Variants in FLT1 observed in about 807,000 individuals in gnomAD.
The protein encoded by FLT1 is fms related receptor tyrosine kinase 1, also known as vascular endothelial growth factor receptor 1.
Under a neutral mutation model 156.3 loss-of-function variants are expected in FLT1, and 49 were observed. That is an observed-to-expected ratio of 0.31 (90% CI 0.25 to 0.40). FLT1 has a LOEUF of 0.40. Ranked by LOEUF, FLT1 falls within the 10% of genes least tolerant of loss-of-function variation. FLT1 has a pLI of 1.00. For synonymous variants in FLT1, 594 were observed against 583.8 expected (o/e 1.02, Z -0.25); for missense variants, 1,322 against 1,637.2 (o/e 0.81, Z 3.32).
At chr13:28,361,755 G>C (rs1250495591) in intron 14 of FLT1, among the ~76,000 whole-genome samples, 1 of 152,154 alleles carries the variant, frequency 6.6e-6, no homozygotes, top group Non-Finnish European at 1.5e-5. Context: ...GTATTTCTTT[G>C]AACATTTTTT....
intron 1 of FLT1, among the ~76,000 whole-genome samples, chr13:28,491,860 T>A (rs1176728891): frequency 6.6e-6 from 1 of 152,228 alleles, no homozygotes; most frequent in African/African-American, 2.4e-5. Flanking sequence ...AAGTACCCAC[T>A]TGGTGATCGT....
At position 28,301,889 on chromosome 13, in the gene FLT1, T is replaced by C. The variant is rs1291629606; in HGVS notation, c.*1278A>G. Reference sequence around the variant, plus strand: ...AACTGGAGAAATACCTTGCATAAATTACATACCACCTTTTTACTCAAGGAG... The same window carrying C: ...AACTGGAGAAATACCTTGCATAAATCACATACCACCTTTTTACTCAAGGAG... On this transcript the variant is annotated 3_prime_UTR_variant, in exon 30 of 30. Transcript: ENST00000282397. 4.3e-6 allele frequency: 1 copy of C among 233,504 alleles called. No homozygotes were observed. The highest frequency in any genetic ancestry group is 8.5e-6 in the Non-Finnish European group (1 of 117,976). 14.5% of individuals were successfully genotyped at this position (233,504 alleles called of 1,614,324 possible).
intron 14 of FLT1, among the ~76,000 whole-genome samples, chr13:28,363,846 G>T (rs1378543584): frequency 6.6e-6 from 1 of 152,144 alleles, no homozygotes; most frequent in Non-Finnish European, 1.5e-5. Flanking sequence ...GACCTCAAGC[G>T]ATCTGCTGGC....
chr13:28,385,232 C>T (rs1200501737), intron 13 of FLT1, among the ~76,000 whole-genome samples: 1 of 152,190 alleles, frequency 6.6e-6, no homozygotes. Flanking sequence ...TTTATTACAA[C>T]ACAGTGAAAT....
intron 3 of FLT1, among the ~76,000 whole-genome samples, chr13:28,453,446 A>T (rs1879095359): frequency 6.6e-6 from 1 of 152,158 alleles, no homozygotes; most frequent in Non-Finnish European, 1.5e-5. Flanking sequence ...TTCTTAATGT[A>T]TCCCAAGGTT....
intron 14 of FLT1, among the ~76,000 whole-genome samples, chr13:28,383,665 T>TA (rs1874180634): frequency 1.4e-5 from 2 of 147,860 alleles, no homozygotes; most frequent in African/African-American, 5.0e-5. Flanking sequence ...CTGTCTCAAT[T>TA]TAAAAAAAAA....
At chr13:28,325,676 T>C (rs1048626773) in intron 20 of FLT1, among the ~76,000 whole-genome samples, 3 of 151,698 alleles carry the variant, frequency 2.0e-5, no homozygotes, top group Non-Finnish European at 4.4e-5. Context: ...TAGCTGGGCG[T>C]TGTGGCGGGC....
At chr13:28,433,723 C>G (rs2137551522) in intron 6 of FLT1, 96 bp downstream of exon 6, 1 of 1,176,678 alleles carries the variant, frequency 8.5e-7, no homozygotes, top group South Asian at 1.2e-5. Flanking sequence ...CCACAGGAGT[C>G]AGGATTTTCT....
rs145424677 is a variant in FLT1 at position 28,454,418 on chromosome 13, G to A, written c.388+12485C>T. 5.4e-4 allele frequency among the ~76,000 whole-genome samples: 82 copies of A among 152,262 alleles called. No homozygotes were observed. The East Asian group carries it at 0.013, about 24-fold the overall frequency. ...TAGTGCATACTATACACCAAACACCGTCCTAAATGTTTTGCACATATGCAC... is the reference window on the plus strand; with the variant it reads ...TAGTGCATACTATACACCAAACACCATCCTAAATGTTTTGCACATATGCAC... On this transcript the variant is annotated intron_variant, in intron 3 of 29. Transcript: ENST00000282397.
intron 17 of FLT1, among the ~76,000 whole-genome samples, chr13:28,335,450 A>C (rs1269876015): frequency 6.6e-6 from 1 of 152,162 alleles, no homozygotes; most frequent in East Asian, 1.9e-4. Context: ...ATTTTTAAAA[A>C]ATTTTCTTGT....
intron 11 of FLT1, among the ~76,000 whole-genome samples, chr13:28,402,324 AAC>A (rs1875493852): frequency 6.6e-6 from 1 of 152,210 alleles, no homozygotes; most frequent in Admixed American, 6.5e-5. Flanking sequence ...AGAAAATAAA[AAC>A]AGTTTTAATT....
intron 14 of FLT1, among the ~76,000 whole-genome samples, chr13:28,373,178 G>A (rs917514973): frequency 3.3e-5 from 5 of 152,090 alleles, no homozygotes; most frequent in Admixed American, 2.6e-4. Flanking sequence ...GTGTGGAGGT[G>A]GGGGAGGGAA....
chr13:28,368,647 CGTT>C (rs1317285105), intron 14 of FLT1: 2 of 1,082,730 alleles, frequency 1.8e-6, no homozygotes, highest in African/African-American at 1.6e-5. Flanking sequence ...ACGATGGTGA[CGTT>C]GATGTATACA....
Position 28,319,546 on chromosome 13 carries a change from C to T in FLT1, c.3175-12G>A, listed in dbSNP as rs375079189. ...AGAGGAAGTCGAGTCTAGAAGAGGGCAAGGGGGCCTTGAGCAGAAGGGCAT... is the reference window on the plus strand; with the variant it reads ...AGAGGAAGTCGAGTCTAGAAGAGGGTAAGGGGGCCTTGAGCAGAAGGGCAT... On this transcript the variant is annotated splice_polypyrimidine_tract_variant and intron_variant, in intron 23 of 29. Transcript: ENST00000282397. The T allele has an allele frequency of 1.9e-6, 3 of 1,544,022 alleles. No homozygotes were observed. Among genetic ancestry groups the T allele is most frequent in the African/African-American group, 1.4e-5 (1 of 73,426 alleles).
rs934331859 is a variant in FLT1, at chr13:28,317,417, A to G, written c.3386+81T>C. 7.0e-5 allele frequency: 63 copies of G among 903,554 alleles called. 2 individuals carry two copies. The highest frequency in any genetic ancestry group is 5.4e-4 in the South Asian group (41 of 76,492). 56.0% of individuals were successfully genotyped at this position (903,554 alleles called of 1,614,324 possible). On this transcript the variant is annotated intron_variant, in intron 25 of 29. Transcript: ENST00000282397. ...ATCTTCCAAGACTGGGACTCTAAGAATCCATAAAACATCCCCTCTCAGGAA... is the reference window on the plus strand; with the variant it reads ...ATCTTCCAAGACTGGGACTCTAAGAGTCCATAAAACATCCCCTCTCAGGAA...
intron 10 of FLT1, among the ~76,000 whole-genome samples, chr13:28,408,297 C>T (rs565220678): frequency 1.3e-4 from 20 of 152,270 alleles, no homozygotes; most frequent in Admixed American, 4.6e-4. Context: ...CACCCCACAC[C>T]TCCCCCATCC....
intron 17 of FLT1, among the ~76,000 whole-genome samples, chr13:28,336,741 AC>A (rs1426662755): frequency 1.4e-5 from 2 of 143,742 alleles, no homozygotes; most frequent in South Asian, 2.2e-4. Context: ...CATTATTCTA[AC>A]TTTTTTTTTT....
At chr13:28,469,863 C>T (rs1387988670) in intron 1 of FLT1, among the ~76,000 whole-genome samples, 5 of 152,054 alleles carry the variant, frequency 3.3e-5, no homozygotes, top group Admixed American at 3.3e-4. Flanking sequence ...AAGCGATTCT[C>T]GTGCCTCAGC....
intron 14 of FLT1, chr13:28,368,506 A>G (rs1873394640): frequency 1.9e-6 from 3 of 1,538,592 alleles, no homozygotes; most frequent in Non-Finnish European, 2.6e-6. Flanking sequence ...AGTTCTTTGA[A>G]GTTGACACAT....
Sources: gnomAD v4.1 joint callset for allele counts (sites outside exome capture counted in the v4.1 genomes callset) on GRCh38, gnomAD v4.1.1 for gene constraint, MANE v1.5 for transcripts, NCBI Gene and HGNC (gene_info 2026-07-23, HGNC 2026-07-21) for gene names.